RNF170: variants seen among roughly 807,000 people sequenced by gnomAD.
RNF170 encodes the protein ring finger protein 170, also known as E3 ubiquitin-protein ligase RNF170.
In RNF170, 12 loss-of-function variants were observed where a neutral mutation model predicts 32.7. The observed-to-expected ratio is 0.37, with a 90% CI of 0.24 to 0.60. RNF170 has a LOEUF of 0.60. RNF170 is among the 20% of genes least tolerant of loss of function. The pLI is 0.72. For missense variants in RNF170, 212 were observed against 311.2 expected, an observed-to-expected ratio of 0.68 and a Z score of 2.40; for synonymous variants, 91 against 103.6, an observed-to-expected ratio of 0.88 and a Z score of 0.74.
rs766123649 is a variant in RNF170, at chr8:42,853,515, C to T, written c.*2644G>A. The T allele has an allele frequency of 2.3e-6, 3 of 1,287,134 alleles. No individual in the cohort carries two copies. The South Asian group carries it at 3.7e-5, about 16-fold the overall frequency. 79.7% of individuals were successfully genotyped at this position (1,287,134 alleles called of 1,614,324 possible). A position where few individuals can be genotyped will look rare whatever the true frequency, so the allele number is the denominator to read the frequency against. On this transcript the variant is annotated 3_prime_UTR_variant, in exon 7 of 7. Coordinates refer to ENST00000527424, the MANE Select transcript of RNF170 (RefSeq NM_030954.4). ...CCACTGTTCTAGTGGGCAGTTAGAA[C>T]AGTTGTTTTCCCCGTCTTGTTCCCC...
At position 42,889,000 on chromosome 8, in the gene RNF170, G is replaced by A. The variant is rs34752346; in HGVS notation, c.-7-1129C>T. 6.8e-3 allele frequency among the ~76,000 whole-genome samples: 1,039 copies of A among 152,182 alleles called. 11 individuals carry two copies. The highest frequency in any genetic ancestry group is 0.011 in the Non-Finnish European group (777 of 68,000). On this transcript the variant is annotated intron_variant, in intron 1 of 6. Transcript: ENST00000527424. ...TCTAGCATATGCCTTGTACACAATA[G>A]GACCTAATAGATATCTGTTTAAATA...
chr8:42,852,994 C>CTTTTTTTTTTTTT, downstream of RNF170, among the ~76,000 whole-genome samples: 1 of 148,434 alleles, frequency 6.7e-6, no homozygotes. Context: ...GGTGTGATGG[C>CTTTTTTTTTTTTT]ACACATCTAT....
At chr8:42,865,332 A>G in intron 5 of RNF170, 84 bp downstream of exon 5, 1 of 1,007,804 alleles carries the variant, frequency 9.9e-7, no homozygotes, top group South Asian at 1.3e-5. Flanking sequence ...AAAGACAATA[A>G]TAATTCCAAA....
chr8:42,863,453 A>C (rs1264315502), intron 5 of RNF170, among the ~76,000 whole-genome samples: 1 of 151,322 alleles, frequency 6.6e-6, no homozygotes, highest in Non-Finnish European at 1.5e-5. Context: ...TAAAAAAAAA[A>C]TTTTTTTTTG....
At chr8:42,896,387 C>T (rs1205516877) in intron 1 of RNF170, 97 bp downstream of exon 1, 1 of 442,550 alleles carries the variant, frequency 2.3e-6, no homozygotes, top group Non-Finnish European at 4.5e-6. Flanking sequence ...CCCGCAGAGC[C>T]TCGGCGGCCA....
chr8:42,883,632 C>A (rs1364398340), intron 2 of RNF170, among the ~76,000 whole-genome samples: 1 of 147,604 alleles, frequency 6.8e-6, no homozygotes, highest in African/African-American at 2.5e-5. Flanking sequence ...ATAATCCCAG[C>A]ACTTTGGGAG....
intron 4 of RNF170, among the ~76,000 whole-genome samples, chr8:42,866,569 C>T (rs1400902464): frequency 2.7e-5 from 4 of 148,322 alleles, no homozygotes; most frequent in Admixed American, 6.8e-5. Flanking sequence ...GCTGACAGTG[C>T]GAGACTCCGT....
At chr8:42,885,022 T>C (rs1454302042) in intron 2 of RNF170, among the ~76,000 whole-genome samples, 3 of 150,798 alleles carry the variant, frequency 2.0e-5, no homozygotes, top group Non-Finnish European at 4.4e-5. Context: ...AAAATGCATC[T>C]GTGTAACTGA....
intron 3 of RNF170, among the ~76,000 whole-genome samples, chr8:42,872,981 A>C (rs1804634659): frequency 6.6e-6 from 1 of 150,698 alleles, no homozygotes; most frequent in African/African-American, 2.4e-5. Context: ...TGTAGCCTCA[A>C]CCTCCCAGGC....
In RNF170 at chr8:42,870,034, C is replaced by A; in HGVS notation, c.292G>T (p.Val98Leu). The part of the protein sequence containing the change: ...PICLHQASFP[V>L]ETNCGHLFCG... Reference sequence around the variant, plus strand: ...AAAAGATGTCCACAGTTGGTCTCCACCGGGAAGGAGGCTTGGTGCAGGCAG... The same window carrying A: ...AAAAGATGTCCACAGTTGGTCTCCAACGGGAAGGAGGCTTGGTGCAGGCAG... Residue 98 changes from valine to leucine, a missense_variant, in exon 4 of 7, where the codon GTG becomes TTG. Val to Leu is a conservative substitution (Grantham distance 32). This residue lies in a region of RNF170 where 115 missense variants were observed against 132.3 expected (regional missense o/e 0.87). Transcript: ENST00000527424. 1 of 1,614,086 alleles carries A rather than the reference C, an allele frequency of 6.2e-7. No individual in the cohort carries two copies.
At chr8:42,896,757 G>GGCGGCGGCGGCA (rs1206599325), upstream of RNF170, 1 of 144,542 alleles carries the variant, frequency 6.9e-6, no homozygotes, top group Non-Finnish European at 1.5e-5. Context: ...CAGCGGCGGC[G>GGCGGCGGCGGCA]GCGGCGGCGG....
intron 2 of RNF170, 126 bp from the exon 3 acceptor site, chr8:42,874,132 C>T (rs536449445): frequency 1.5e-6 from 1 of 685,284 alleles, no homozygotes; most frequent in East Asian, 2.7e-5. Flanking sequence ...ACAAGCACTT[C>T]ACTTCCAGGA....
chr8:42,896,448 G>A (rs1175877968), intron 1 of RNF170, 36 bp downstream of exon 1: 1 of 453,508 alleles, frequency 2.2e-6, no homozygotes, highest in East Asian at 7.0e-5. Context: ...CGCGGGCCCC[G>A]ATAGGGTGGG....
At chr8:42,887,478 C>T (rs764537442) in intron 2 of RNF170, among the ~76,000 whole-genome samples, 6 of 151,972 alleles carry the variant, frequency 3.9e-5, no homozygotes, top group South Asian at 4.1e-4. Context: ...AATTGCCATA[C>T]GCCAATAGAA....
chr8:42,897,076 A>G, upstream of RNF170: 1 of 1,215,060 alleles, frequency 8.2e-7, no homozygotes, highest in Non-Finnish European at 1.0e-6. Context: ...ATCCCCCGAC[A>G]GAGCGGCGGC....
downstream of RNF170, chr8:42,849,791 C>A (rs1802896560): frequency 6.6e-6 from 1 of 152,196 alleles, no homozygotes. Context: ...ATATTGTTTT[C>A]TCATTCATTG....
Position 42,856,160 on chromosome 8 carries a change from C to A in RNF170, c.776G>T (p.Ter259LeuextTer6). 1 of 1,612,496 alleles carries A rather than the reference C, an allele frequency of 6.2e-7. No individual in the cohort carries two copies. Among genetic ancestry groups the A allele is most frequent in the South Asian group, 1.1e-5 (1 of 90,818 alleles). Residue 259 changes from the stop codon to leucine (L), a stop_lost, in exon 7 of 7, where the codon TGA (stop) becomes TTA (leucine). Transcript: ENST00000527424. ...GTAAACTCAGTTTTGTTTTCTTTTT[C>A]ATCTAGTTAGCCTTTGGGTTATCAC... ...REVITQRLTR[*>L]
chr8:42,853,884 G>GA lies in RNF170; in HGVS notation c.*2274dup, dbSNP rs1563651313. ...ATTTGGTACAATACACCTCTTTCAG[G>GA]AAAGTCTTAGTAGTAACTCCAAATA... On this transcript the variant is annotated 3_prime_UTR_variant, in exon 7 of 7. Coordinates refer to ENST00000527424, the MANE Select transcript of RNF170 (RefSeq NM_030954.4). The GA allele has an allele frequency of 1.4e-5, 18 of 1,286,702 alleles. No homozygotes were observed. The highest frequency in any genetic ancestry group is 1.8e-5 in the Non-Finnish European group (18 of 988,340). 79.7% of individuals were successfully genotyped at this position (1,286,702 alleles called of 1,614,324 possible).
intron 4 of RNF170, among the ~76,000 whole-genome samples, chr8:42,865,992 A>C (rs533552017): frequency 3.1e-4 from 47 of 152,184 alleles, no homozygotes; most frequent in African/African-American, 1.1e-3. Flanking sequence ...CTCAAAAAAA[A>C]CCTCCAAGTT....
Sources: gnomAD v4.1 joint callset for allele counts (sites outside exome capture counted in the v4.1 genomes callset) on GRCh38, gnomAD v4.1.1 for gene constraint, gnomAD v4.1.1 regional missense constraint, MANE v1.5 for transcripts, NCBI Gene and HGNC (gene_info 2026-07-23, HGNC 2026-07-21) for gene names.